The following STK33 variants were observed in gnomAD, a reference collection of about 807,000 sequenced individuals.
STK33 encodes the protein serine/threonine-protein kinase 33.
In STK33, 52 loss-of-function variants were observed where a neutral mutation model predicts 58.0. The ratio of observed to expected loss-of-function variants is 0.90; its 90% CI spans 0.72 to 1.13. The LOEUF is 1.13. STK33 is among the 50% of genes most tolerant of loss of function. STK33 has a pLI of 0.00. For synonymous variants in STK33, 215 were observed against 200.1 expected (o/e 1.07, Z -0.63); for missense variants, 630 against 604.2 (o/e 1.04, Z -0.45).
At chr11:8,516,016 T>C (rs973344846) in intron 1 of STK33, among the ~76,000 whole-genome samples, 1 of 152,140 alleles carries the variant, frequency 6.6e-6, no homozygotes. Flanking sequence ...TTAAACGCAA[T>C]CCTTACCAAT....
chr11:8,484,195 C>T (rs895672832), intron 1 of STK33, among the ~76,000 whole-genome samples: 1 of 152,152 alleles, frequency 6.6e-6, no homozygotes, highest in Non-Finnish European at 1.5e-5. Flanking sequence ...CCCACATATG[C>T]AACATGTATA....
At chr11:8,511,397 T>C (rs1341073076) in intron 1 of STK33, among the ~76,000 whole-genome samples, 1 of 152,104 alleles carries the variant, frequency 6.6e-6, no homozygotes, top group African/African-American at 2.4e-5. Flanking sequence ...TAGGGCTTTC[T>C]AGGTATATGA....
At chr11:8,431,711 T>C (rs1048717148) in intron 14 of STK33, among the ~76,000 whole-genome samples, 3 of 152,200 alleles carry the variant, frequency 2.0e-5, no homozygotes, top group African/African-American at 7.2e-5. Flanking sequence ...ACTTTAACAA[T>C]ATTAATAATT....
chr11:8,546,379 A>C (rs1431963534), intron 1 of STK33, among the ~76,000 whole-genome samples: 1 of 152,204 alleles, frequency 6.6e-6, no homozygotes, highest in East Asian at 1.9e-4. Context: ...ACAATGTGTA[A>C]TGATCAAATC....
At chr11:8,487,741 T>C (rs1950291327) in intron 1 of STK33, among the ~76,000 whole-genome samples, 1 of 152,158 alleles carries the variant, frequency 6.6e-6, no homozygotes, top group Non-Finnish European at 1.5e-5. Flanking sequence ...AGTTGAGCTG[T>C]GGAATACCAT....
chr11:8,450,680 A>T (rs976471127), intron 11 of STK33, among the ~76,000 whole-genome samples: 2 of 152,204 alleles, frequency 1.3e-5, no homozygotes, highest in Non-Finnish European at 2.9e-5. Flanking sequence ...TAACCCTAAC[A>T]TCAGAAAAGA....
chr11:8,486,181 T>C (rs1950180929), intron 1 of STK33, among the ~76,000 whole-genome samples: 1 of 152,194 alleles, frequency 6.6e-6, no homozygotes, highest in Non-Finnish European at 1.5e-5. Flanking sequence ...TATGCAAATC[T>C]GATCATATTT....
At chr11:8,587,493 A>G (rs1043355423) in intron 1 of STK33, among the ~76,000 whole-genome samples, 1 of 150,970 alleles carries the variant, frequency 6.6e-6, no homozygotes, top group Admixed American at 6.6e-5. Context: ...CACGAGGCAC[A>G]CCTCCCTATC....
intron 1 of STK33, among the ~76,000 whole-genome samples, chr11:8,584,865 C>CA (rs1213680602): frequency 1.3e-5 from 2 of 151,534 alleles, no homozygotes; most frequent in African/African-American, 2.4e-5. Context: ...ATGAGGAAGG[C>CA]AAAATCCCAA....
At chr11:8,515,438 A>T (rs1952689274) in intron 1 of STK33, among the ~76,000 whole-genome samples, 1 of 152,204 alleles carries the variant, frequency 6.6e-6, no homozygotes, top group Admixed American at 6.5e-5. Context: ...AACAATGAAA[A>T]GCCCAGGATT....
At chr11:8,362,924 C>CCTT in the STK33 span, among the ~76,000 whole-genome samples, 1 of 131,886 alleles carries the variant, frequency 7.6e-6, no homozygotes, top group East Asian at 2.2e-4. Context: ...CTTCCTCCCT[C>CCTT]CTTTCCTTTT....
intron 1 of STK33, among the ~76,000 whole-genome samples, chr11:8,500,589 G>C (rs1951439431): frequency 6.6e-6 from 1 of 152,170 alleles, no homozygotes; most frequent in South Asian, 2.1e-4. Flanking sequence ...TTGTCTTCAT[G>C]TATTGGAAGA....
At chr11:8,501,701 T>C (rs1035944727) in intron 1 of STK33, among the ~76,000 whole-genome samples, 6 of 152,162 alleles carry the variant, frequency 3.9e-5, no homozygotes, top group Non-Finnish European at 8.8e-5. Flanking sequence ...TCCAAGATAA[T>C]TGAAAACATG....
intron 14 of STK33, among the ~76,000 whole-genome samples, chr11:8,415,760 A>G (rs1311698704): frequency 6.6e-6 from 1 of 152,156 alleles, no homozygotes; most frequent in Non-Finnish European, 1.5e-5. Context: ...CAACAAAATT[A>G]TAATTACTAC....
chr11:8,354,511 C>CACACACACACACACACACACACAT, the STK33 span, among the ~76,000 whole-genome samples: 6 of 143,672 alleles, frequency 4.2e-5, no homozygotes, highest in Non-Finnish European at 7.9e-5. Context: ...CACACACACA[C>CACACACACACACACACACACACAT]ACACACCCCT....
At chr11:8,384,067 G>A in the STK33 span, among the ~76,000 whole-genome samples, 10 of 152,186 alleles carry the variant, frequency 6.6e-5, no homozygotes, top group East Asian at 1.9e-4. Context: ...CCCAGGTGCC[G>A]AGGCAAGAGA....
chr11:8,432,125 G>A (rs1375922970), intron 14 of STK33, among the ~76,000 whole-genome samples: 1 of 152,192 alleles, frequency 6.6e-6, no homozygotes, highest in Admixed American at 6.5e-5. Flanking sequence ...ATGTGTTGAA[G>A]GAATTAATGT....
chr11:8,341,198 C>A, the STK33 span, among the ~76,000 whole-genome samples: 1 of 152,238 alleles, frequency 6.6e-6, no homozygotes, highest in Non-Finnish European at 1.5e-5. Context: ...CAACATGCAG[C>A]CTAGGAGTTA....
At chr11:8,475,528 C>T (rs1687748748) in intron 4 of STK33, 2 of 152,130 alleles carry the variant, frequency 1.3e-5, no homozygotes, top group South Asian at 4.2e-4. Context: ...AGAGCAAATT[C>T]CTATTACATA....
Sources: allele counts gnomAD v4.1 joint callset (sites outside exome capture counted in the v4.1 genomes callset), GRCh38; gene constraint gnomAD v4.1.1; transcripts MANE v1.5; gene names NCBI Gene and HGNC (gene_info 2026-07-23, HGNC 2026-07-21).